Variants in PRKN observed in about 807,000 individuals in gnomAD.
PRKN encodes the protein parkin RBR E3 ubiquitin protein ligase, also known as E3 ubiquitin-protein ligase parkin.
PRKN carries 56 observed loss-of-function variants against 59.5 expected under a neutral mutation model. That is an observed-to-expected ratio of 0.94 (90% confidence interval 0.76 to 1.18). PRKN has a LOEUF of 1.18. Ranked by LOEUF, PRKN falls within the 50% of genes most tolerant of loss-of-function variation. The pLI is 0.00. For missense variants in PRKN, 657 were observed against 596.4 expected, an observed-to-expected ratio of 1.10 and a Z score of -1.06; for synonymous variants, 250 against 222.1, an observed-to-expected ratio of 1.13 and a Z score of -1.12.
chr6:162,323,571 A>T (rs1783131785), intron 2 of PRKN, among the ~76,000 whole-genome samples: 1 of 152,122 alleles, frequency 6.6e-6, no homozygotes, highest in Admixed American at 6.6e-5. Context: ...GCAAACAATC[A>T]TATTGAAAAT....
intron 7 of PRKN, among the ~76,000 whole-genome samples, chr6:161,689,666 C>T (rs1018057909): frequency 1.4e-4 from 22 of 152,110 alleles, no homozygotes; most frequent in African/African-American, 5.3e-4. Context: ...CCAGCTTAAT[C>T]ATTTATCCGA....
In PRKN at chr6:161,804,300, G is replaced by T. The variant is rs200604214; in HGVS notation, c.735-18392C>A. 3.3e-5 allele frequency among the ~76,000 whole-genome samples: 5 copies of T among 150,172 alleles called. No individual in the cohort carries two copies. The East Asian group carries it at 9.6e-4, about 29-fold the overall frequency. ...GCAGCAGCAGAACTTGATCTATGAG[G>T]CTCTGGTGATGAGCAGTGTGGACAC... On this transcript the variant is annotated intron_variant, in intron 6 of 11. Coordinates refer to ENST00000366898, the MANE Select transcript of PRKN (RefSeq NM_004562.3).
intron 7 of PRKN, among the ~76,000 whole-genome samples, chr6:161,685,160 G>C (rs529201987): frequency 7.2e-5 from 11 of 151,918 alleles, no homozygotes; most frequent in African/African-American, 2.7e-4. Flanking sequence ...ATTTTGACAG[G>C]TTTGCCAGTA....
intron 11 of PRKN, among the ~76,000 whole-genome samples, chr6:161,350,659 A>T (rs1784498767): frequency 1.1e-5 from 1 of 93,062 alleles, no homozygotes; most frequent in Non-Finnish European, 1.9e-5. Context: ...ATATATTTTT[A>T]TATATTTATA....
intron 2 of PRKN, among the ~76,000 whole-genome samples, chr6:162,437,268 C>T (rs1343673243): frequency 1.3e-5 from 2 of 150,920 alleles, no homozygotes; most frequent in East Asian, 1.9e-4. Context: ...CATACTCTCC[C>T]TTTAAAAGAG....
intron 6 of PRKN, among the ~76,000 whole-genome samples, chr6:161,965,812 G>A (rs532349531): frequency 9.9e-4 from 150 of 152,148 alleles, no homozygotes; most frequent in Admixed American, 3.7e-3. Flanking sequence ...ACCTGGGAGG[G>A]ATAGAAAGGG....
At position 161,367,573 on chromosome 6, in the gene PRKN, C is replaced by T. The variant is rs142506348; in HGVS notation, c.1168-7368G>A. Among the ~76,000 whole-genome samples the T allele has an allele frequency of 7.0e-4, 106 of 151,438 alleles. 3 individuals carry two copies. Among genetic ancestry groups the T allele is most frequent in the African/African-American group, 2.4e-3 (98 of 41,258 alleles). ...GTTATCTAACTTAGAAGTCAAAGTTCAGCATTCCTTTCCCAATGAACGACA... is the reference window on the plus strand; with the variant it reads ...GTTATCTAACTTAGAAGTCAAAGTTTAGCATTCCTTTCCCAATGAACGACA... On this transcript the variant is annotated intron_variant, in intron 10 of 11. Transcript: ENST00000366898.
At chr6:161,633,589 C>T (rs1034053463) in intron 7 of PRKN, among the ~76,000 whole-genome samples, 3 of 152,160 alleles carry the variant, frequency 2.0e-5, no homozygotes, top group African/African-American at 7.2e-5. Context: ...ATTAAATATT[C>T]CTGGTGGAAT....
At chr6:162,403,331 T>C (rs985093427) in intron 2 of PRKN, among the ~76,000 whole-genome samples, 3 of 152,086 alleles carry the variant, frequency 2.0e-5, no homozygotes, top group African/African-American at 7.2e-5. Flanking sequence ...CATGCAGCCC[T>C]GTGCCTCACT....
At chr6:162,382,813 A>T (rs1786562984) in intron 2 of PRKN, among the ~76,000 whole-genome samples, 2 of 152,164 alleles carry the variant, frequency 1.3e-5, no homozygotes, top group South Asian at 4.1e-4. Context: ...ATCCTCTCAA[A>T]CCCTCTCAAA....
chr6:162,108,258 C>G (rs577616955), intron 4 of PRKN, among the ~76,000 whole-genome samples: 28 of 152,292 alleles, frequency 1.8e-4, no homozygotes, highest in African/African-American at 6.5e-4. Flanking sequence ...CCAGAAGACA[C>G]AGCCCTTTAC....
chr6:162,681,344 T>C (rs1779761172), intron 1 of PRKN, among the ~76,000 whole-genome samples: 1 of 152,140 alleles, frequency 6.6e-6, no homozygotes, highest in Non-Finnish European at 1.5e-5. Flanking sequence ...TGCCTGAAGT[T>C]GGTGTTGGGT....
chr6:162,553,381 G>T lies in PRKN; in HGVS notation c.8-109908C>A, dbSNP rs374819956. On this transcript the variant is annotated intron_variant, in intron 1 of 11. Coordinates refer to ENST00000366898, the MANE Select transcript of PRKN (RefSeq NM_004562.3). ...CGGAAAGAAAGAGGCAGGGGAGGGT[G>T]GGAGGAGTGGGAGGTCTTATTAGAA... Among the ~76,000 whole-genome samples the T allele has an allele frequency of 1.0e-3, 157 of 151,164 alleles. No individual in the cohort carries two copies. In the East Asian group the frequency reaches 0.011, roughly 10 times the overall value.
chr6:161,474,709 C>G (rs1790980695), intron 9 of PRKN, among the ~76,000 whole-genome samples: 1 of 151,892 alleles, frequency 6.6e-6, no homozygotes, highest in African/African-American at 2.4e-5. Flanking sequence ...ATTCTCCTGC[C>G]TCAGCCTCCC....
At chr6:161,931,164 G>C (rs1395141645) in intron 6 of PRKN, among the ~76,000 whole-genome samples, 1 of 152,182 alleles carries the variant, frequency 6.6e-6, no homozygotes. Flanking sequence ...GGCTGGGCGT[G>C]GTGGCTCACG....
In PRKN at chr6:162,512,586, T is replaced by A. The variant is rs541893917; in HGVS notation, c.8-69113A>T. Reference sequence around the variant, plus strand: ...TTATACCTAGTGTCCGTCATAGGTGTTACTAATTTTGTCATGCATAAGTGG... The same window carrying A: ...TTATACCTAGTGTCCGTCATAGGTGATACTAATTTTGTCATGCATAAGTGG... On this transcript the variant is annotated intron_variant, in intron 1 of 11. Transcript: ENST00000366898. Among the ~76,000 whole-genome samples the A allele has an allele frequency of 1.1e-4, 16 of 152,300 alleles. 1 individual carries two copies. In the South Asian group the frequency reaches 2.9e-3, roughly 28 times the overall value.
rs150469450 is a variant in PRKN at position 161,447,667 on chromosome 6, G to A, written c.1084-60790C>T. ...CACCACCATGCCTGGCTAATTTTTT[G>A]TATTTTTAGTAGACACAGCGTTTCA... On this transcript the variant is annotated intron_variant, in intron 9 of 11. Coordinates refer to ENST00000366898, the MANE Select transcript of PRKN (RefSeq NM_004562.3). This position sits in a 1 kb window ranked among gnomAD's most constrained non-coding sequence, Gnocchi z 4.1. 1.5e-4 allele frequency among the ~76,000 whole-genome samples: 23 copies of A among 152,176 alleles called. No individual in the cohort carries two copies. The highest frequency in any genetic ancestry group is 6.8e-3 in the Middle Eastern group (2 of 292).
chr6:162,361,929 C>T (rs990954224), intron 2 of PRKN, among the ~76,000 whole-genome samples: 1 of 152,110 alleles, frequency 6.6e-6, no homozygotes. Flanking sequence ...ATAACCAAAG[C>T]TGGCAATTAC....
intron 9 of PRKN, among the ~76,000 whole-genome samples, chr6:161,513,783 C>G (rs556649028): frequency 6.6e-6 from 1 of 152,074 alleles, no homozygotes; most frequent in East Asian, 1.9e-4. Flanking sequence ...TACTTTACAA[C>G]GAGCATGGGA....
Sources: allele counts gnomAD v4.1 joint callset (sites outside exome capture counted in the v4.1 genomes callset), GRCh38; gene constraint gnomAD v4.1.1; non-coding constraint Gnocchi (gnomAD v3.1); transcripts MANE v1.5; gene names NCBI Gene and HGNC (gene_info 2026-07-23, HGNC 2026-07-21).